The following NKAIN2 variants were observed in gnomAD, a reference collection of about 807,000 sequenced individuals.
The protein encoded by NKAIN2 is sodium/potassium transporting ATPase interacting 2.
A neutral mutation model predicts 32.6 loss-of-function variants in NKAIN2; 14 were observed. That is an observed-to-expected ratio of 0.43 (90% CI 0.28 to 0.67). The LOEUF is 0.67. Among genes scored for constraint, NKAIN2 ranks in the 30% least tolerant of loss-of-function variants. The probability of loss-of-function intolerance (pLI) is 0.17; values close to 1 mark genes in which losing one functional copy is unlikely to be tolerated. For synonymous variants in NKAIN2, 80 were observed against 87.2 expected, an observed-to-expected ratio of 0.92 and a Z score of 0.46; for missense variants, 198 against 258.3, an observed-to-expected ratio of 0.77 and a Z score of 1.60.
chr6:124,818,579 G>T, intron 6 of NKAIN2, 111 bp downstream of exon 6: 2 of 476,956 alleles, frequency 4.2e-6, no homozygotes, highest in South Asian at 4.6e-5. Context: ...TATTTTTCCA[G>T]TATTTTTTCT....
chr6:124,801,155 T>C (rs1209544023), intron 5 of NKAIN2, among the ~76,000 whole-genome samples: 4 of 152,142 alleles, frequency 2.6e-5, no homozygotes, highest in Non-Finnish European at 5.9e-5. Flanking sequence ...CAGTTTCCAA[T>C]TGCCATTTTC....
chr6:124,071,483 A>G (rs1783465906), intron 1 of NKAIN2, among the ~76,000 whole-genome samples: 2 of 152,156 alleles, frequency 1.3e-5, no homozygotes, highest in Admixed American at 1.3e-4. Flanking sequence ...GTGGGACCTA[A>G]TTAAACTAAA....
intron 2 of NKAIN2, among the ~76,000 whole-genome samples, chr6:124,326,993 A>C (rs1797443235): frequency 6.6e-6 from 1 of 151,842 alleles, no homozygotes; most frequent in Non-Finnish European, 1.5e-5. Context: ...TCAATGTGAG[A>C]TTCTTGCCAA....
At chr6:124,035,135 G>A (rs905992372) in intron 1 of NKAIN2, among the ~76,000 whole-genome samples, 2 of 152,028 alleles carry the variant, frequency 1.3e-5, no homozygotes, top group African/African-American at 4.8e-5. Flanking sequence ...CAGAAATTGA[G>A]CATCCCCTTC....
At chr6:124,078,655 C>T (rs1254275589) in intron 1 of NKAIN2, among the ~76,000 whole-genome samples, 1 of 151,930 alleles carries the variant, frequency 6.6e-6, no homozygotes, top group Non-Finnish European at 1.5e-5. Flanking sequence ...TTTTGTAATC[C>T]TAGTTTAAAG....
chr6:124,510,529 C>CT lies in NKAIN2; in HGVS notation c.274-147654dup, dbSNP rs576577860. Among the ~76,000 whole-genome samples, 42 of 152,252 alleles carry CT rather than the reference C, an allele frequency of 2.8e-4. No individual in the cohort carries two copies. In the East Asian group the frequency reaches 5.6e-3, roughly 20 times the overall value. The stretch of plus-strand genomic sequence containing the variant: ...CCAAATGTTGGAATCTGCATGCCAT[C>CT]TTTATAAAGTTAAGAGATTCATGCT... On this transcript the variant is annotated intron_variant, in intron 3 of 6. Transcript: ENST00000368417.
intron 1 of NKAIN2, among the ~76,000 whole-genome samples, chr6:123,861,898 G>C (rs1175926635): frequency 6.6e-6 from 1 of 152,034 alleles, no homozygotes; most frequent in Non-Finnish European, 1.5e-5. Flanking sequence ...TTGCCAGTTA[G>C]CTGGAGATGA....
intron 3 of NKAIN2, among the ~76,000 whole-genome samples, chr6:124,442,061 A>G (rs752157527): frequency 7.2e-5 from 11 of 151,974 alleles, no homozygotes; most frequent in Non-Finnish European, 1.2e-4. Context: ...CAATATGAAG[A>G]TTTTAAATAT....
At chr6:124,616,619 C>G (rs1187341054) in intron 3 of NKAIN2, among the ~76,000 whole-genome samples, 9 of 151,032 alleles carry the variant, frequency 6.0e-5, no homozygotes, top group African/African-American at 2.2e-4. Flanking sequence ...CGCCCGCCAC[C>G]ACGCCCGGCT....
chr6:124,164,423 A>AGAACACAATAGTTTCTTTTGAT (rs1788431024), intron 1 of NKAIN2, among the ~76,000 whole-genome samples: 1 of 152,110 alleles, frequency 6.6e-6, no homozygotes, highest in Non-Finnish European at 1.5e-5. Flanking sequence ...ATTTAACATT[A>AGAACACAATAGTTTCTTTTGAT]GAACACAATA....
chr6:123,996,362 A>G (rs1192612913), intron 1 of NKAIN2, among the ~76,000 whole-genome samples: 1 of 51,836 alleles, frequency 1.9e-5, no homozygotes, highest in African/African-American at 1.3e-4. Flanking sequence ...AAAACATTTC[A>G]AATACTATAA....
At chr6:124,253,664 C>A (rs891857213) in intron 1 of NKAIN2, among the ~76,000 whole-genome samples, 11 of 151,990 alleles carry the variant, frequency 7.2e-5, no homozygotes, top group African/African-American at 2.7e-4. Context: ...TGATAGCATT[C>A]ATTATAAAAT....
intron 1 of NKAIN2, among the ~76,000 whole-genome samples, chr6:123,873,543 T>C (rs964794119): frequency 6.6e-6 from 1 of 152,148 alleles, no homozygotes; most frequent in Non-Finnish European, 1.5e-5. Flanking sequence ...CTCTGAAGTG[T>C]GTATGCAAAA....
intron 3 of NKAIN2, among the ~76,000 whole-genome samples, chr6:124,498,129 G>A (rs972028899): frequency 6.6e-6 from 1 of 152,138 alleles, no homozygotes; most frequent in African/African-American, 2.4e-5. Flanking sequence ...AATCGAGAAA[G>A]TTTGAAATCT....
chr6:124,732,071 C>T (rs1776707850), intron 4 of NKAIN2, among the ~76,000 whole-genome samples: 1 of 151,936 alleles, frequency 6.6e-6, no homozygotes, highest in Non-Finnish European at 1.5e-5. Context: ...TATCATATGA[C>T]CTTACCTCCA....
chr6:124,356,513 C>G (rs974351573), intron 3 of NKAIN2, among the ~76,000 whole-genome samples: 6 of 152,154 alleles, frequency 3.9e-5, no homozygotes, highest in Admixed American at 3.3e-4. Flanking sequence ...ATTTTATGAT[C>G]AGAATGTGGA....
At chr6:123,845,397 G>T (rs1278359499) in intron 1 of NKAIN2, among the ~76,000 whole-genome samples, 3 of 152,202 alleles carry the variant, frequency 2.0e-5, no homozygotes, top group Non-Finnish European at 4.4e-5. Context: ...ATACAAAAGT[G>T]ACATGACAAA....
At chr6:124,782,184 T>G (rs1291887613) in intron 4 of NKAIN2, among the ~76,000 whole-genome samples, 1 of 152,148 alleles carries the variant, frequency 6.6e-6, no homozygotes, top group East Asian at 1.9e-4. Context: ...TTAAAGTCAC[T>G]CTTCTCTCTA....
At chr6:123,818,354 AACACACACACACACACACACACAC>A (rs36066775) in intron 1 of NKAIN2, among the ~76,000 whole-genome samples, 2 of 144,508 alleles carry the variant, frequency 1.4e-5, no homozygotes, top group East Asian at 2.0e-4. Context: ...TTCTTGTGGA[AACACACACACACACACACACACAC>A]ACACACACAC....
Sources: gnomAD v4.1 joint callset for allele counts (sites outside exome capture counted in the v4.1 genomes callset) on GRCh38, gnomAD v4.1.1 for gene constraint, MANE v1.5 for transcripts, NCBI Gene and HGNC (gene_info 2026-07-23, HGNC 2026-07-21) for gene names.